The following MAPK10 variants were observed in gnomAD, a reference collection of about 807,000 sequenced individuals.
MAPK10 encodes JNK3 alpha protein kinase.
In MAPK10, 25 loss-of-function variants were observed where a neutral mutation model predicts 59.3. The ratio of observed to expected loss-of-function variants is 0.42; its 90% CI spans 0.31 to 0.59. The LOEUF is 0.59. MAPK10 is among the 20% of genes least tolerant of loss of function. The pLI is 0.15. For synonymous variants in MAPK10, 190 were observed against 200.5 expected (o/e 0.95, Z 0.44); for missense variants, 351 against 568.9 (o/e 0.62, Z 3.90).
At chr4:86,030,937 G>A (rs1418781090) in intron 12 of MAPK10, among the ~76,000 whole-genome samples, 1 of 152,108 alleles carries the variant, frequency 6.6e-6, no homozygotes, top group Non-Finnish European at 1.5e-5. Flanking sequence ...AATCCAATGA[G>A]TAAACTCATA....
At chr4:86,536,891 C>G (rs1432535036) in intron 1 of MAPK10, among the ~76,000 whole-genome samples, 1 of 152,114 alleles carries the variant, frequency 6.6e-6, no homozygotes, top group Non-Finnish European at 1.5e-5. Flanking sequence ...GGTTATAAAG[C>G]CTTTCAGCAG....
At chr4:86,376,608 T>C (rs1282834519) in intron 1 of MAPK10, among the ~76,000 whole-genome samples, 1 of 152,150 alleles carries the variant, frequency 6.6e-6, no homozygotes, top group African/African-American at 2.4e-5. Flanking sequence ...ATAGTTAACA[T>C]AGTGCTTGGT....
intron 1 of MAPK10, among the ~76,000 whole-genome samples, chr4:86,366,608 A>G (rs1448193357): frequency 6.6e-6 from 1 of 152,106 alleles, no homozygotes; most frequent in Non-Finnish European, 1.5e-5. Context: ...TGAGGCAGAC[A>G]ATTGATGGAG....
chr4:86,486,710 G>A (rs2149073298), intron 1 of MAPK10, among the ~76,000 whole-genome samples: 1 of 152,298 alleles, frequency 6.6e-6, no homozygotes, highest in Middle Eastern at 3.4e-3. Flanking sequence ...AAAGTCCAGG[G>A]GGAAAAGTTA....
intron 2 of MAPK10, among the ~76,000 whole-genome samples, chr4:86,304,602 C>A (rs1019385460): frequency 6.6e-6 from 1 of 151,560 alleles, no homozygotes; most frequent in Admixed American, 6.6e-5. Context: ...CCGTGTTAGC[C>A]AAGATGGTCT....
At chr4:86,535,518 G>A (rs949150014) in intron 1 of MAPK10, among the ~76,000 whole-genome samples, 2 of 152,088 alleles carry the variant, frequency 1.3e-5, no homozygotes, top group African/African-American at 4.8e-5. Flanking sequence ...TAATCATCTC[G>A]CTAATTTTTT....
chr4:86,358,128 T>C, intron 1 of MAPK10: 2 of 985,358 alleles, frequency 2.0e-6, no homozygotes, highest in South Asian at 9.4e-5. Context: ...CCCTAAAATC[T>C]AATGGTTCTG....
intron 2 of MAPK10, among the ~76,000 whole-genome samples, chr4:86,232,566 G>T (rs778026213): frequency 6.6e-5 from 10 of 151,954 alleles, no homozygotes; most frequent in Non-Finnish European, 1.3e-4. Context: ...GTAGAGACAG[G>T]GTTTCACCAT....
At chr4:86,378,082 T>G (rs962830259) in intron 1 of MAPK10, among the ~76,000 whole-genome samples, 1 of 152,132 alleles carries the variant, frequency 6.6e-6, no homozygotes, top group Non-Finnish European at 1.5e-5. Context: ...CCAATCAAGT[T>G]GACACTCAGT....
At chr4:86,094,278 C>T (rs988807950) in intron 9 of MAPK10, among the ~76,000 whole-genome samples, 2 of 151,928 alleles carry the variant, frequency 1.3e-5, no homozygotes, top group East Asian at 1.9e-4. Context: ...AAACCATTTA[C>T]CTATTCCTTA....
chr4:86,470,739 T>G (rs1752587981), intron 1 of MAPK10, among the ~76,000 whole-genome samples: 1 of 150,116 alleles, frequency 6.7e-6, no homozygotes. Context: ...GAATGTTAGG[T>G]GAATGTATTG....
At chr4:86,060,891 C>G (rs1340781468) in intron 11 of MAPK10, among the ~76,000 whole-genome samples, 1 of 152,074 alleles carries the variant, frequency 6.6e-6, no homozygotes, top group Non-Finnish European at 1.5e-5. Flanking sequence ...TCTGCAATTT[C>G]CTGGCCAGCT....
chr4:86,328,013 A>G (rs2096067340), intron 2 of MAPK10, among the ~76,000 whole-genome samples: 1 of 152,100 alleles, frequency 6.6e-6, no homozygotes, highest in Non-Finnish European at 1.5e-5. Context: ...TATGGTTTGA[A>G]TGCATTCTCC....
intron 1 of MAPK10, among the ~76,000 whole-genome samples, chr4:86,546,367 G>A (rs892035863): frequency 6.6e-6 from 1 of 151,314 alleles, no homozygotes; most frequent in Non-Finnish European, 1.5e-5. Context: ...GGCCAACATG[G>A]CAAAACCCTG....
chr4:86,351,254 T>A (rs1446527091), intron 2 of MAPK10, among the ~76,000 whole-genome samples: 5 of 149,968 alleles, frequency 3.3e-5, no homozygotes, highest in East Asian at 3.9e-4. Context: ...TATCTGTATT[T>A]TATATATATA....
chr4:86,281,955 G>C (rs1215095098), intron 2 of MAPK10, among the ~76,000 whole-genome samples: 2 of 152,068 alleles, frequency 1.3e-5, no homozygotes, highest in African/African-American at 4.8e-5. Context: ...CTTTTAATAA[G>C]ACTTTTATAT....
At chr4:86,507,648 A>G (rs1362384780) in intron 1 of MAPK10, among the ~76,000 whole-genome samples, 2 of 93,692 alleles carry the variant, frequency 2.1e-5, no homozygotes, top group African/African-American at 4.3e-5. Flanking sequence ...ATATATATAT[A>G]TATATATATA....
intron 4 of MAPK10, among the ~76,000 whole-genome samples, chr4:86,154,787 C>T (rs1161045956): frequency 2.0e-5 from 3 of 151,976 alleles, no homozygotes; most frequent in Non-Finnish European, 4.4e-5. Context: ...TTATTTGTAA[C>T]TATAATTACT....
chr4:86,093,759 C>T (rs2053685236), intron 9 of MAPK10, among the ~76,000 whole-genome samples: 1 of 151,776 alleles, frequency 6.6e-6, no homozygotes, highest in Non-Finnish European at 1.5e-5. Flanking sequence ...CTCAGAATCT[C>T]CAGCTCCCAT....
Sources: gnomAD v4.1 joint callset for allele counts (sites outside exome capture counted in the v4.1 genomes callset) on GRCh38, gnomAD v4.1.1 for gene constraint, MANE v1.5 for transcripts, NCBI Gene and HGNC (gene_info 2026-07-23, HGNC 2026-07-21) for gene names.